Variants in PGM1 observed in about 807,000 individuals in gnomAD.
PGM1 encodes phosphoglucomutase-1.
In PGM1, 52 loss-of-function variants were observed where a neutral mutation model predicts 55.6. The ratio of observed to expected loss-of-function variants is 0.94; its 90% CI spans 0.75 to 1.18. PGM1 has a LOEUF of 1.18. Among genes scored for constraint, PGM1 ranks in the 50% most tolerant of loss-of-function variants. PGM1 has a pLI of 0.00. For synonymous variants in PGM1, 287 were observed against 271.7 expected (o/e 1.06, Z -0.55); for missense variants, 724 against 729.3 (o/e 0.99, Z 0.08).
chr1:63,619,160 G>A (rs76078870), intron 1 of PGM1, among the ~76,000 whole-genome samples: 3,012 of 152,318 alleles, frequency 0.02, 93 homozygotes, highest in African/African-American at 0.069. Context: ...GAGAAAACAT[G>A]AGTGGTCCAG....
intron 6 of PGM1, 51 bp downstream of exon 6, chr1:63,636,439 C>T (rs1189194985): frequency 1.9e-6 from 3 of 1,564,724 alleles, no homozygotes; most frequent in African/African-American, 2.7e-5. Flanking sequence ...TCCCAGTCTT[C>T]ACCATACCCT....
At chr1:63,637,379 C>A (rs1386926514) in intron 6 of PGM1, among the ~76,000 whole-genome samples, 3 of 152,190 alleles carry the variant, frequency 2.0e-5, no homozygotes, top group Non-Finnish European at 1.5e-5. Context: ...GAACCCAGAG[C>A]CTTTGCTCCC....
chr1:63,629,205 G>A (rs1362700317), intron 1 of PGM1, among the ~76,000 whole-genome samples: 2 of 152,108 alleles, frequency 1.3e-5, no homozygotes, highest in Non-Finnish European at 2.9e-5. Flanking sequence ...ACAAAGTCCC[G>A]AAAACCATCT....
In PGM1 at chr1:63,631,796, T is replaced by G; in HGVS notation, c.682+14T>G. On this transcript the variant is annotated intron_variant, in intron 4 of 10. Coordinates refer to ENST00000371084, the MANE Select transcript of PGM1 (RefSeq NM_002633.3). Reference sequence around the variant, plus strand: ...CTATGCATGGAGGTATACAATCATTTCTTTTCAATTCCCATCTCTTGAGGA... The same window carrying G: ...CTATGCATGGAGGTATACAATCATTGCTTTTCAATTCCCATCTCTTGAGGA... 1 of 1,613,166 alleles carries G rather than the reference T, an allele frequency of 6.2e-7. No individual in the cohort carries two copies. Among genetic ancestry groups the G allele is most frequent in the Non-Finnish European group, 8.5e-7 (1 of 1,179,154 alleles).
At chr1:63,613,170 AG>A (rs1003297970) in intron 1 of PGM1, among the ~76,000 whole-genome samples, 46 of 146,674 alleles carry the variant, frequency 3.1e-4, no homozygotes, top group African/African-American at 1.0e-3. Context: ...GAAAAGGTGT[AG>A]GGGGTTGGGG....
At chr1:63,649,010 C>T (rs140280843) in intron 8 of PGM1, among the ~76,000 whole-genome samples, 1 of 152,266 alleles carries the variant, frequency 6.6e-6, no homozygotes, top group East Asian at 1.9e-4. Flanking sequence ...TTTAGCTTTT[C>T]TCTGTACTCA....
chr1:63,595,606 C>CACTTT (rs1280416599), intron 1 of PGM1, among the ~76,000 whole-genome samples: 1 of 152,114 alleles, frequency 6.6e-6, no homozygotes. Flanking sequence ...CCCAGTAGAT[C>CACTTT]ATTTCCCTGT....
rs999415161 is a variant in PGM1, at chr1:63,648,450, A to C, written c.1145-67A>C. 4.4e-6 allele frequency: 7 copies of C among 1,583,500 alleles called. No individual in the cohort carries two copies. In the Middle Eastern group the frequency reaches 8.4e-4, roughly 189 times the overall value. ...GGGTGGGGATGCAGAGCCAAACCAT[A>C]TCAAGTACCTTCTCAGGTACTGGGA... On this transcript the variant is annotated intron_variant, in intron 7 of 10. Transcript: ENST00000371084.
chr1:63,647,259 CAT>C (rs55760196), intron 7 of PGM1, among the ~76,000 whole-genome samples: 301 of 55,088 alleles, frequency 5.5e-3, no homozygotes, highest in South Asian at 7.6e-3. Flanking sequence ...TAAAATTTTA[CAT>C]ATATATATAT....
intron 7 of PGM1, among the ~76,000 whole-genome samples, 170 bp downstream of exon 7, chr1:63,638,970 A>G (rs777892840): frequency 3.9e-5 from 6 of 152,196 alleles, no homozygotes; most frequent in African/African-American, 1.4e-4. Context: ...AAAAGGGGTG[A>G]GCACATTCAG....
intron 3 of PGM1, 24 bp from the exon 4 acceptor site, chr1:63,631,633 T>A (rs1649196887): frequency 6.2e-7 from 1 of 1,609,278 alleles, no homozygotes. Context: ...TCCTTCCATC[T>A]TTTGATGTTG....
chr1:63,597,488 G>A (rs1227734062), intron 1 of PGM1, among the ~76,000 whole-genome samples: 1 of 152,184 alleles, frequency 6.6e-6, no homozygotes, highest in African/African-American at 2.4e-5. Context: ...ACAATCCAAC[G>A]TGATGCAGAT....
intron 10 of PGM1, among the ~76,000 whole-genome samples, chr1:63,657,491 A>C (rs1649998091): frequency 6.6e-6 from 1 of 152,246 alleles, no homozygotes; most frequent in South Asian, 2.1e-4. Context: ...GTCTAACTTT[A>C]AGTGTAACAT....
chr1:63,625,968 A>T (rs1481903941), intron 1 of PGM1, among the ~76,000 whole-genome samples: 1 of 152,210 alleles, frequency 6.6e-6, no homozygotes, highest in Non-Finnish European at 1.5e-5. Context: ...TTGTTTTTTA[A>T]ATAACCTAAG....
At chr1:63,658,411 T>C (rs1193387291) in intron 10 of PGM1, among the ~76,000 whole-genome samples, 1 of 135,370 alleles carries the variant, frequency 7.4e-6, no homozygotes, top group Non-Finnish European at 1.6e-5. Flanking sequence ...TTTTTTTTTT[T>C]CTTTAAGCGA....
chr1:63,616,679 G>A lies in PGM1; in HGVS notation c.247-12746G>A, dbSNP rs570577472. Among the ~76,000 whole-genome samples the A allele has an allele frequency of 2.6e-5, 4 of 151,860 alleles. No homozygotes were observed. In the East Asian group the frequency reaches 7.7e-4, roughly 29 times the overall value. ...GGACAGCCAACTGACGCGTGCTAAA[G>A]GTTGTACACTCTCTGAGGCAGAGGC... is the stretch of plus-strand genomic sequence containing the variant. On this transcript the variant is annotated intron_variant, in intron 1 of 10. Transcript: ENST00000371084.
intron 2 of PGM1, 119 bp from the exon 3 acceptor site, chr1:63,629,823 T>C: frequency 8.0e-7 from 1 of 1,246,550 alleles, no homozygotes; most frequent in Non-Finnish European, 1.2e-6. Context: ...CCTGCTACTT[T>C]GCTGACTGAA....
At chr1:63,641,357 A>G (rs2301054) in intron 7 of PGM1, among the ~76,000 whole-genome samples, 32,119 of 152,200 alleles carry the variant, frequency 0.21, 3,723 homozygotes, top group Admixed American at 0.34. Flanking sequence ...GCCAGGCTGC[A>G]TAGCCATAGA....
intron 10 of PGM1, chr1:63,656,076 G>T (rs907448904): frequency 3.9e-5 from 6 of 152,140 alleles, no homozygotes; most frequent in African/African-American, 1.4e-4. Flanking sequence ...AAAAAAAGAG[G>T]GTGCTGAGAA....
Sources: gnomAD v4.1 joint callset for allele counts (sites outside exome capture counted in the v4.1 genomes callset) on GRCh38, gnomAD v4.1.1 for gene constraint, MANE v1.5 for transcripts, NCBI Gene and HGNC (gene_info 2026-07-23, HGNC 2026-07-21) for gene names.